Variants in SYNDIG1 observed in about 807,000 individuals in gnomAD.
The protein encoded by SYNDIG1 is synapse differentiation inducing 1.
In SYNDIG1, 9 loss-of-function variants were observed where a neutral mutation model predicts 19.4. That is an observed-to-expected ratio of 0.46 (90% CI 0.28 to 0.81). The LOEUF (loss-of-function observed/expected upper bound fraction) is 0.81, where lower values mean the gene tolerates loss of function less well. Ranked by LOEUF, SYNDIG1 falls within the 30% of genes least tolerant of loss-of-function variation. The pLI, the probability that SYNDIG1 is intolerant of heterozygous loss-of-function variation, is 0.12. For synonymous variants in SYNDIG1, 141 were observed against 145.9 expected (o/e 0.97, Z 0.24); for missense variants, 311 against 343.3 (o/e 0.91, Z 0.74).
intron 2 of SYNDIG1, among the ~76,000 whole-genome samples, chr20:24,568,473 C>T (rs1028566087): frequency 6.6e-6 from 1 of 152,138 alleles, no homozygotes; most frequent in Admixed American, 6.5e-5. Flanking sequence ...GTCATCCTCT[C>T]ATTTTTATTC....
At chr20:24,610,310 G>T (rs1402016748) in intron 3 of SYNDIG1, among the ~76,000 whole-genome samples, 1 of 152,168 alleles carries the variant, frequency 6.6e-6, no homozygotes, top group Admixed American at 6.5e-5. Context: ...ATTCCTTTGG[G>T]AATGTCATAC....
intron 1 of SYNDIG1, among the ~76,000 whole-genome samples, chr20:24,517,322 AAT>A (rs1002043406): frequency 3.3e-5 from 5 of 150,412 alleles, no homozygotes; most frequent in African/African-American, 1.2e-4. Context: ...TAAATAAATA[AAT>A]ATATATATAT....
intron 1 of SYNDIG1, among the ~76,000 whole-genome samples, chr20:24,493,095 A>G (rs1482605557): frequency 6.6e-6 from 1 of 152,286 alleles, no homozygotes; most frequent in African/African-American, 2.4e-5. Context: ...ATATTTCTGC[A>G]TAAGTCATTC....
chr20:24,543,300 A>G lies in SYNDIG1; in HGVS notation c.203A>G (p.Glu68Gly). ...GCCAGCCTGGACAGCAGCAGGAGTGAGCCGATGCAGCAGCTGCTGGACCCC... is the reference window on the plus strand; with the variant it reads ...GCCAGCCTGGACAGCAGCAGGAGTGGGCCGATGCAGCAGCTGCTGGACCCC... ...VPASLDSSRS[E>G]PMQQLLDPNT... is the part of the protein sequence containing the mutation. Residue 68 changes from glutamate to glycine, a missense_variant, in exon 2 of 4, where the codon GAG becomes GGG. Coordinates refer to ENST00000376862, the MANE Select transcript of SYNDIG1 (RefSeq NM_024893.3). 6.2e-7 allele frequency: 1 copy of G among 1,613,560 alleles called. No individual in the cohort carries two copies. Among genetic ancestry groups the G allele is most frequent in the Non-Finnish European group, 8.5e-7 (1 of 1,180,030 alleles).
In SYNDIG1 at chr20:24,543,388, C is replaced by T. The variant is rs146291718; in HGVS notation, c.291C>T (p.Gly97=). 81 of 1,613,550 alleles carry T rather than the reference C, an allele frequency of 5.0e-5. No homozygotes were observed. The African/African-American group carries it at 6.7e-4, about 13-fold the overall frequency. Residue 97 remains glycine (G), a synonymous_variant, in exon 2 of 4, where the codon GGC becomes GGT. Coordinates refer to ENST00000376862, the MANE Select transcript of SYNDIG1 (RefSeq NM_024893.3). ...YRPNIILYSE[G]VLRSWGDGVA... ...CCAACATCATCCTCTATTCAGAGGGCGTGCTGCGCTCCTGGGGGGACGGTG... is the reference window on the plus strand; with the variant it reads ...CCAACATCATCCTCTATTCAGAGGGTGTGCTGCGCTCCTGGGGGGACGGTG...
chr20:24,597,007 G>A (rs2058605875), intron 3 of SYNDIG1: 1 of 152,256 alleles, frequency 6.6e-6, no homozygotes. Flanking sequence ...AAGAGGCTCT[G>A]AGTGCTGAGG....
chr20:24,624,643 G>A (rs971840089), intron 3 of SYNDIG1, among the ~76,000 whole-genome samples: 2 of 152,192 alleles, frequency 1.3e-5, no homozygotes, highest in Non-Finnish European at 2.9e-5. Context: ...AGAGAGAAAA[G>A]TAGTGAAGAT....
intron 1 of SYNDIG1, among the ~76,000 whole-genome samples, chr20:24,524,802 C>G (rs961325120): frequency 6.6e-6 from 1 of 152,098 alleles, no homozygotes; most frequent in Non-Finnish European, 1.5e-5. Flanking sequence ...GAAGCAGGCT[C>G]CCTGGCTCTC....
intron 3 of SYNDIG1, among the ~76,000 whole-genome samples, chr20:24,627,198 T>C (rs1266154843): frequency 7.2e-6 from 1 of 138,722 alleles, no homozygotes; most frequent in Non-Finnish European, 1.6e-5. Context: ...GCCTGGGACA[T>C]TGAAAGGAGA....
At position 24,665,686 on chromosome 20, in the gene SYNDIG1, T is replaced by C. The variant is rs546781714; in HGVS notation, c.*182T>C. The C allele has an allele frequency of 7.9e-6, 6 of 759,776 alleles. No homozygotes were observed. The highest frequency in any genetic ancestry group is 9.9e-6 in the Non-Finnish European group (5 of 506,532). 47.1% of individuals were successfully genotyped at this position (759,776 alleles called of 1,614,324 possible). On this transcript the variant is annotated 3_prime_UTR_variant, in exon 4 of 4. Transcript: ENST00000376862. ...TTAATTTCATGTTCACAGCACTGTG[T>C]AGAGCACCAGACAGACGGGCACTGC...
In SYNDIG1 at chr20:24,632,362, C is replaced by A. The variant is rs570338961; in HGVS notation, c.619-32984C>A. Among the ~76,000 whole-genome samples, 5 of 152,270 alleles carry A rather than the reference C, an allele frequency of 3.3e-5. No individual in the cohort carries two copies. In the East Asian group the frequency reaches 9.7e-4, roughly 29 times the overall value. On this transcript the variant is annotated intron_variant, in intron 3 of 3. Transcript: ENST00000376862. Reference sequence around the variant, plus strand: ...TCAAGTGATTCTTGTGCCTCAGCCTCCTGAGTAGCTGGGATTACAGGCACA... The same window carrying A: ...TCAAGTGATTCTTGTGCCTCAGCCTACTGAGTAGCTGGGATTACAGGCACA...
intron 2 of SYNDIG1, among the ~76,000 whole-genome samples, chr20:24,576,492 G>A (rs1568655106): frequency 6.6e-6 from 1 of 152,184 alleles, no homozygotes; most frequent in South Asian, 2.1e-4. Context: ...TTGATCGGGG[G>A]GCACGTGCCC....
rs1276021038 is a variant in SYNDIG1 at position 24,665,348 on chromosome 20, C to G, written c.621C>G (p.Thr207=). The G allele has an allele frequency of 6.3e-7, 1 of 1,599,702 alleles. No individual in the cohort carries two copies. Among genetic ancestry groups the G allele is most frequent in the Non-Finnish European group, 8.5e-7 (1 of 1,175,118 alleles). The change falls in exon 4 of 4, where the codon ACC becomes ACG. Residue 207 remains threonine (T), a splice_region_variant and synonymous_variant. Coordinates refer to ENST00000376862, the MANE Select transcript of SYNDIG1 (RefSeq NM_024893.3). Reference sequence around the variant, plus strand: ...CTTTTTCTTCTCCAACTCTGCAGACCAACAAAGCCGTGGCCAAGGGGGACT... The same window carrying G: ...CTTTTTCTTCTCCAACTCTGCAGACGAACAAAGCCGTGGCCAAGGGGGACT... ...GIAAFYLSHE[T]NKAVAKGDLH...
At chr20:24,502,275 G>A (rs571119732) in intron 1 of SYNDIG1, 11 of 152,304 alleles carry the variant, frequency 7.2e-5, no homozygotes, top group Admixed American at 2.6e-4. Flanking sequence ...CTGGATGCAG[G>A]AGTCATAGCC....
intron 1 of SYNDIG1, among the ~76,000 whole-genome samples, chr20:24,488,079 G>A (rs774358306): frequency 6.6e-6 from 1 of 152,198 alleles, no homozygotes; most frequent in Non-Finnish European, 1.5e-5. Flanking sequence ...AACTCTTAGG[G>A]TGATTGGTTA....
intron 2 of SYNDIG1, among the ~76,000 whole-genome samples, chr20:24,546,079 C>G (rs954171398): frequency 6.6e-6 from 1 of 152,192 alleles, no homozygotes; most frequent in Non-Finnish European, 1.5e-5. Flanking sequence ...ACATGCGGCT[C>G]AGGATGCCAA....
At chr20:24,474,817 C>T (rs79986999) in intron 1 of SYNDIG1, among the ~76,000 whole-genome samples, 3,549 of 152,304 alleles carry the variant, frequency 0.023, 125 homozygotes, top group African/African-American at 0.081. Context: ...GGCAGGCGCC[C>T]GCTTTCACAC....
intron 1 of SYNDIG1, among the ~76,000 whole-genome samples, chr20:24,511,650 C>T (rs1237251535): frequency 1.3e-5 from 2 of 152,180 alleles, no homozygotes; most frequent in African/African-American, 2.4e-5. Flanking sequence ...TCAGCTTGGG[C>T]TTAAGGCTTC....
At chr20:24,515,920 G>C (rs544446194) in intron 1 of SYNDIG1, among the ~76,000 whole-genome samples, 6 of 152,062 alleles carry the variant, frequency 3.9e-5, no homozygotes, top group Non-Finnish European at 8.8e-5. Context: ...GAGGCATCAC[G>C]CTACCTGACT....
Sources: allele counts gnomAD v4.1 joint callset (sites outside exome capture counted in the v4.1 genomes callset), GRCh38; gene constraint gnomAD v4.1.1; transcripts MANE v1.5; gene names NCBI Gene and HGNC (gene_info 2026-07-23, HGNC 2026-07-21).